PTK2: variants seen among roughly 807,000 people sequenced by gnomAD.
The protein encoded by PTK2 is focal adhesion kinase 1.
PTK2 carries 45 observed loss-of-function variants against 150.1 expected under a neutral mutation model. The ratio of observed to expected loss-of-function variants is 0.30; its 90% CI spans 0.24 to 0.38. The LOEUF (loss-of-function observed/expected upper bound fraction) is 0.38. Ranked by LOEUF, PTK2 falls within the 10% of genes least tolerant of loss-of-function variation. The pLI is 1.00. For missense variants in PTK2, 919 were observed against 1,307.3 expected, an observed-to-expected ratio of 0.70 and a Z score of 4.58; for synonymous variants, 432 against 449.2, an observed-to-expected ratio of 0.96 and a Z score of 0.48.
chr8:140,924,225 C>T (rs2100168613), intron 2 of PTK2, among the ~76,000 whole-genome samples: 1 of 152,128 alleles, frequency 6.6e-6, no homozygotes, highest in Non-Finnish European at 1.5e-5. Flanking sequence ...ATGGCTTGCT[C>T]CCTTTCCCCT....
chr8:140,816,188 A>C (rs1229166340), intron 10 of PTK2, among the ~76,000 whole-genome samples: 1 of 152,196 alleles, frequency 6.6e-6, no homozygotes, highest in Non-Finnish European at 1.5e-5. Flanking sequence ...TCACAATATA[A>C]ATTTTAAATT....
At chr8:140,788,115 C>T (rs1161583531) in intron 14 of PTK2, among the ~76,000 whole-genome samples, 2 of 152,208 alleles carry the variant, frequency 1.3e-5, no homozygotes, top group African/African-American at 2.4e-5. Flanking sequence ...GAAACTAGGG[C>T]TACTCCAAGA....
At chr8:140,803,796 G>A (rs2100096713) in intron 10 of PTK2, 146 bp from the exon 11 acceptor site, 2 of 703,566 alleles carry the variant, frequency 2.8e-6, no homozygotes, top group Non-Finnish European at 4.8e-6. Context: ...TCTCCATGCT[G>A]CCCCAGGGGA....
rs71308981 is a variant in PTK2 at position 140,697,852 on chromosome 8, G to GTTTTT, written c.2499+3034_2499+3038dup. On this transcript the variant is annotated intron_variant, in intron 26 of 31. Coordinates refer to ENST00000522684, the Ensembl canonical transcript of PTK2. ...GATCCTCCTCCCTTTAGGGTTTACT[G>GTTTTT]TTTTTTTTTTTTTTTTTTTTTTTTT... Among the ~76,000 whole-genome samples the GTTTTT allele has an allele frequency of 1.0e-4, 5 of 48,026 alleles. 1 individual carries two copies. The highest frequency in any genetic ancestry group is 2.7e-4 in the African/African-American group (3 of 11,052). 31.5% of individuals were successfully genotyped at this position (48,026 alleles called of 152,430 possible). A position where few individuals can be genotyped will look rare whatever the true frequency, so the allele number is the denominator to read the frequency against.
At chr8:140,983,597 C>T (rs13276704) in intron 1 of PTK2, among the ~76,000 whole-genome samples, 63,474 of 151,094 alleles carry the variant, frequency 0.42, 15,184 homozygotes, top group Non-Finnish European at 0.55. Context: ...TTTATGAAGA[C>T]GGATGGTGTA....
chr8:140,942,805 T>C (rs570863453), intron 1 of PTK2, among the ~76,000 whole-genome samples: 1 of 152,334 alleles, frequency 6.6e-6, no homozygotes, highest in South Asian at 2.1e-4. Flanking sequence ...CCAAATCTCA[T>C]GTTGAAATGT....
At chr8:140,811,354 T>C (rs971810038) in intron 10 of PTK2, among the ~76,000 whole-genome samples, 1 of 152,118 alleles carries the variant, frequency 6.6e-6, no homozygotes, top group African/African-American at 2.4e-5. Flanking sequence ...TGAGTCCACC[T>C]TACCACAATC....
chr8:140,772,157 A>C (rs2100075871), intron 14 of PTK2, among the ~76,000 whole-genome samples: 1 of 152,146 alleles, frequency 6.6e-6, no homozygotes. Flanking sequence ...ACACACACTA[A>C]ATTTCTGGAC....
At chr8:140,755,668 C>T (rs986367261) in intron 16 of PTK2, among the ~76,000 whole-genome samples, 4 of 152,140 alleles carry the variant, frequency 2.6e-5, no homozygotes, top group South Asian at 4.2e-4. Flanking sequence ...TGGGATTTAG[C>T]GTACGTCTTT....
chr8:140,746,900 TTTTTTTTTTTA>T, intron 17 of PTK2, 40 bp from the exon 21 acceptor site: 1 of 1,424,062 alleles, frequency 7.0e-7, no homozygotes, highest in Non-Finnish European at 9.6e-7. Flanking sequence ...TTCTTTTTTT[TTTTTTTTTTTA>T]GACGGAGTCT....
intron 29 of PTK2, among the ~76,000 whole-genome samples, chr8:140,670,486 A>AC (rs2094982946): frequency 3.1e-5 from 1 of 32,662 alleles, no homozygotes; most frequent in African/African-American, 9.6e-5. Flanking sequence ...AAAAAAAACA[A>AC]CAACACACAC....
intron 2 of PTK2, among the ~76,000 whole-genome samples, chr8:140,901,021 T>C (rs1568473487): frequency 1.3e-5 from 2 of 152,102 alleles, no homozygotes; most frequent in Non-Finnish European, 2.9e-5. Context: ...CAATAAGCTA[T>C]AGTAACCAAA....
chr8:140,700,117 A>T (rs891330569), intron 26 of PTK2, among the ~76,000 whole-genome samples: 3 of 152,234 alleles, frequency 2.0e-5, no homozygotes, highest in African/African-American at 7.2e-5. Flanking sequence ...AGAGTCTTAA[A>T]TAATGTATAA....
intron 16 of PTK2, among the ~76,000 whole-genome samples, chr8:140,757,790 T>C (rs1473364139): frequency 6.6e-6 from 1 of 152,170 alleles, no homozygotes; most frequent in Admixed American, 6.5e-5. Flanking sequence ...AAGTAACATT[T>C]TGGTCAATGA....
intron 1 of PTK2, among the ~76,000 whole-genome samples, chr8:140,968,084 G>A (rs1411891754): frequency 2.0e-5 from 3 of 152,170 alleles, no homozygotes; most frequent in African/African-American, 7.2e-5. Flanking sequence ...TGGGAATACT[G>A]TGTCTCATTC....
chr8:140,983,373 T>A (rs1206543009), intron 1 of PTK2, among the ~76,000 whole-genome samples: 1 of 89,920 alleles, frequency 1.1e-5, no homozygotes, highest in Admixed American at 1.6e-4. Flanking sequence ...AGAGTAAGAC[T>A]CCATCTCAAA....
intron 14 of PTK2, among the ~76,000 whole-genome samples, chr8:140,781,099 T>C (rs979736910): frequency 2.6e-5 from 4 of 152,230 alleles, no homozygotes; most frequent in Admixed American, 1.3e-4. Context: ...TCCACAATTA[T>C]TGTATAGCTA....
chr8:140,686,711 A>G lies in PTK2; in HGVS notation c.2500-17T>C. ...ATCAGGTTTCTGAAGAAATTAAAAC[A>G]AAATCAAAACAATTTCATTTTTGAT... On this transcript the variant is annotated splice_polypyrimidine_tract_variant and intron_variant, in intron 26 of 31. Coordinates refer to ENST00000522684, the Ensembl canonical transcript of PTK2. 1 of 1,604,344 alleles carries G rather than the reference A, an allele frequency of 6.2e-7. No homozygotes were observed. Among genetic ancestry groups the G allele is most frequent in the Non-Finnish European group, 8.5e-7 (1 of 1,172,288 alleles).
chr8:140,981,099 AAAAAAAAAAAG>A (rs1485843266), intron 1 of PTK2, among the ~76,000 whole-genome samples: 5 of 151,062 alleles, frequency 3.3e-5, no homozygotes, highest in Non-Finnish European at 7.4e-5. Context: ...TGCTCTGGAA[AAAAAAAAAAAG>A]AAAAGAAAAA....
Sources: allele counts gnomAD v4.1 joint callset (sites outside exome capture counted in the v4.1 genomes callset), GRCh38; gene constraint gnomAD v4.1.1; transcripts MANE v1.5; gene names NCBI Gene and HGNC (gene_info 2026-07-23, HGNC 2026-07-21).